The following SYNPR variants were observed in gnomAD, a reference collection of about 807,000 sequenced individuals.
SYNPR encodes the protein synaptoporin.
SYNPR carries 23 observed loss-of-function variants against 32.9 expected under a neutral mutation model. The observed-to-expected ratio is 0.70, with a 90% CI of 0.50 to 0.99. The LOEUF is 0.99. Ranked by LOEUF, SYNPR falls within the 50% of genes least tolerant of loss-of-function variation. SYNPR has a pLI of 0.00. For synonymous variants in SYNPR, 146 were observed against 135.9 expected (o/e 1.07, Z -0.52); for missense variants, 318 against 349.3 (o/e 0.91, Z 0.71).
At chr3:63,396,762 G>A (rs568459978) in intron 2 of SYNPR, among the ~76,000 whole-genome samples, 4 of 152,148 alleles carry the variant, frequency 2.6e-5, no homozygotes, top group African/African-American at 9.6e-5. Context: ...ATAACTTCAG[G>A]CTTCTTGAGT....
At chr3:63,317,438 A>C (rs2087055244) in intron 2 of SYNPR, among the ~76,000 whole-genome samples, 2 of 151,886 alleles carry the variant, frequency 1.3e-5, no homozygotes, top group South Asian at 4.2e-4. Flanking sequence ...ATATATGTTT[A>C]AGATTGTGAT....
intron 2 of SYNPR, among the ~76,000 whole-genome samples, chr3:63,436,100 T>C (rs1056608692): frequency 6.6e-6 from 1 of 152,144 alleles, no homozygotes; most frequent in African/African-American, 2.4e-5. Flanking sequence ...AATGAATGGT[T>C]GCCCTTTTAC....
chr3:63,607,119 T>C (rs1224140856), intron 4 of SYNPR, among the ~76,000 whole-genome samples: 1 of 152,210 alleles, frequency 6.6e-6, no homozygotes, highest in African/African-American at 2.4e-5. Flanking sequence ...TTTCTAATTA[T>C]GATGAATATA....
At chr3:63,376,819 T>G (rs1379431420) in intron 2 of SYNPR, among the ~76,000 whole-genome samples, 1 of 152,036 alleles carries the variant, frequency 6.6e-6, no homozygotes, top group Admixed American at 6.6e-5. Flanking sequence ...CTGTCTGATA[T>G]TTTTTCTTTA....
At chr3:63,458,699 A>G (rs78080246) in intron 2 of SYNPR, among the ~76,000 whole-genome samples, 8 of 152,102 alleles carry the variant, frequency 5.3e-5, no homozygotes, top group African/African-American at 1.7e-4. Context: ...CCAAAGTATT[A>G]CAATTATTTT....
At chr3:63,530,899 C>T (rs1268839639) in intron 3 of SYNPR, among the ~76,000 whole-genome samples, 2 of 152,178 alleles carry the variant, frequency 1.3e-5, no homozygotes. Context: ...GACAGCTATT[C>T]TCTCATTGTC....
At chr3:63,536,872 G>A (rs1453972298) in intron 3 of SYNPR, among the ~76,000 whole-genome samples, 6 of 152,040 alleles carry the variant, frequency 3.9e-5, no homozygotes, top group East Asian at 1.9e-4. Context: ...ATGCCAGTCC[G>A]TTTCTATAAA....
intron 2 of SYNPR, among the ~76,000 whole-genome samples, chr3:63,334,287 C>A (rs2087260851): frequency 6.6e-6 from 1 of 152,116 alleles, no homozygotes; most frequent in African/African-American, 2.4e-5. Flanking sequence ...TACTTAAAAT[C>A]AGAAGGTCAA....
At chr3:63,256,822 A>G (rs937692425) in intron 2 of SYNPR, among the ~76,000 whole-genome samples, 3 of 152,202 alleles carry the variant, frequency 2.0e-5, no homozygotes, top group Admixed American at 2.0e-4. Context: ...AAACATTGAA[A>G]AAAAATTAGA....
chr3:63,583,664 CT>C (rs1703131934), intron 4 of SYNPR, among the ~76,000 whole-genome samples: 1 of 152,024 alleles, frequency 6.6e-6, no homozygotes, highest in Admixed American at 6.6e-5. Context: ...GGCATATTAG[CT>C]TTTAATGTAG....
At chr3:63,436,145 A>T (rs1700080000) in intron 2 of SYNPR, among the ~76,000 whole-genome samples, 1 of 151,952 alleles carries the variant, frequency 6.6e-6, no homozygotes, top group Non-Finnish European at 1.5e-5. Context: ...TGGATTTGAG[A>T]ATTGTTGTTT....
chr3:63,379,839 C>T (rs1214647738), intron 2 of SYNPR, among the ~76,000 whole-genome samples: 1 of 151,854 alleles, frequency 6.6e-6, no homozygotes, highest in Admixed American at 6.6e-5. Context: ...CCTCCCTCCT[C>T]CCCCAACCCC....
intron 2 of SYNPR, among the ~76,000 whole-genome samples, chr3:63,369,516 T>C (rs2087769908): frequency 1.3e-5 from 2 of 152,248 alleles, no homozygotes. Context: ...AGCTATGTGA[T>C]ATTTCTTTAT....
intron 1 of SYNPR, among the ~76,000 whole-genome samples, chr3:63,233,084 C>A (rs533697225): frequency 6.4e-4 from 98 of 152,286 alleles, no homozygotes; most frequent in African/African-American, 1.6e-3. Context: ...TTTTAATCAT[C>A]TCAAAATGTG....
At chr3:63,477,944 G>T (rs1407960865) in intron 2 of SYNPR, among the ~76,000 whole-genome samples, 1 of 152,136 alleles carries the variant, frequency 6.6e-6, no homozygotes, top group Non-Finnish European at 1.5e-5. Flanking sequence ...CTCTAAACTT[G>T]CTAAGTCATG....
intron 2 of SYNPR, among the ~76,000 whole-genome samples, chr3:63,294,879 T>C (rs1263734815): frequency 6.6e-6 from 1 of 152,188 alleles, no homozygotes; most frequent in Non-Finnish European, 1.5e-5. Context: ...ACTTCATGTA[T>C]ATATGTGGCT....
At chr3:63,511,634 GTC>G (rs1353624726) in intron 3 of SYNPR, among the ~76,000 whole-genome samples, 37 of 152,240 alleles carry the variant, frequency 2.4e-4, no homozygotes, top group Admixed American at 1.4e-3. Context: ...TAAGTTCTTT[GTC>G]TCTCTGAGCA....
At chr3:63,411,035 A>G (rs2088457677) in intron 2 of SYNPR, among the ~76,000 whole-genome samples, 1 of 152,238 alleles carries the variant, frequency 6.6e-6, no homozygotes. Flanking sequence ...TTAACTACTC[A>G]CTGTTCTTTA....
intron 2 of SYNPR, among the ~76,000 whole-genome samples, chr3:63,405,654 C>G (rs994520258): frequency 3.3e-5 from 5 of 152,066 alleles, no homozygotes; most frequent in Non-Finnish European, 7.4e-5. Context: ...TAAAACAGAC[C>G]CTTCAGGCTG....
Sources: allele counts gnomAD v4.1 joint callset (sites outside exome capture counted in the v4.1 genomes callset), GRCh38; gene constraint gnomAD v4.1.1; transcripts MANE v1.5; gene names NCBI Gene and HGNC (gene_info 2026-07-23, HGNC 2026-07-21).